Variants in WDR25 observed in about 807,000 individuals in gnomAD.
WDR25 encodes the protein WD repeat-containing protein 25.
In WDR25, 35 loss-of-function variants were observed where a neutral mutation model predicts 47.7. The observed-to-expected ratio is 0.73, with a 90% CI of 0.56 to 0.97. The LOEUF is 0.97. Among genes scored for constraint, WDR25 ranks in the 50% least tolerant of loss-of-function variants. The pLI, the probability that WDR25 is intolerant of heterozygous loss-of-function variation, is 0.00. For missense variants in WDR25, 634 were observed against 704.7 expected, an observed-to-expected ratio of 0.90 and a Z score of 1.14; for synonymous variants, 248 against 278.9, an observed-to-expected ratio of 0.89 and a Z score of 1.10.
intron 2 of WDR25, among the ~76,000 whole-genome samples, chr14:100,390,611 A>C (rs1897122862): frequency 6.6e-6 from 1 of 152,210 alleles, no homozygotes; most frequent in African/African-American, 2.4e-5. Context: ...GCCTGCTGCC[A>C]GCCTTCCGGC....
chr14:100,451,752 C>A (rs191077727), intron 2 of WDR25, among the ~76,000 whole-genome samples: 1 of 152,316 alleles, frequency 6.6e-6, no homozygotes, highest in East Asian at 1.9e-4. Context: ...AGAGGTCATA[C>A]AGTCCAACTG....
chr14:100,454,378 G>A, intron 2 of WDR25: 1 of 1,287,146 alleles, frequency 7.8e-7, no homozygotes. Flanking sequence ...TGAGGGTGGA[G>A]GTGAGGAGGT....
intron 3 of WDR25, among the ~76,000 whole-genome samples, chr14:100,470,902 C>G (rs1406118387): frequency 6.6e-6 from 1 of 152,216 alleles, no homozygotes; most frequent in Non-Finnish European, 1.5e-5. Context: ...CTTCTTCACT[C>G]CATCCCTCTG....
At chr14:100,471,516 G>A (rs932411312) in intron 3 of WDR25, among the ~76,000 whole-genome samples, 4 of 152,124 alleles carry the variant, frequency 2.6e-5, no homozygotes, top group African/African-American at 9.7e-5. Context: ...CTTTCTCTTC[G>A]CTGAGTCTGA....
In WDR25 at chr14:100,498,495, A is replaced by G. The variant is rs905050053; in HGVS notation, c.1101+14371A>G. 6.6e-6 allele frequency among the ~76,000 whole-genome samples: 1 copy of G among 151,952 alleles called. No homozygotes were observed. Among genetic ancestry groups the G allele is most frequent in the Non-Finnish European group, 1.5e-5 (1 of 67,980 alleles). ...TCTGGCTCACCTCACTCATTTGCTC[A>G]TTGAACACTGCGGAGCACCTGCTGT... On this transcript the variant is annotated intron_variant, in intron 4 of 6. Coordinates refer to ENST00000402312, the MANE Select transcript of WDR25 (RefSeq NM_001161476.3). This position sits in a 1 kb window ranked among gnomAD's most constrained non-coding sequence, Gnocchi z 4.2.
At chr14:100,462,721 G>A (rs1899456447) in intron 2 of WDR25, among the ~76,000 whole-genome samples, 1 of 152,166 alleles carries the variant, frequency 6.6e-6, no homozygotes. Context: ...ACTTCATAGA[G>A]TTCAAGTTTT....
At chr14:100,411,495 A>G (rs1162635850) in intron 2 of WDR25, among the ~76,000 whole-genome samples, 5 of 151,224 alleles carry the variant, frequency 3.3e-5, no homozygotes, top group Non-Finnish European at 7.4e-5. Context: ...GGATGCTGCC[A>G]CCCTCATGGT....
chr14:100,447,975 C>G (rs964370255), intron 2 of WDR25, among the ~76,000 whole-genome samples: 1 of 152,176 alleles, frequency 6.6e-6, no homozygotes. Flanking sequence ...GGGTGAATCA[C>G]CTGAGGTCGG....
intron 2 of WDR25, among the ~76,000 whole-genome samples, chr14:100,459,937 T>TATATATATACAC (rs1899343217): frequency 1.0e-5 from 1 of 97,712 alleles, no homozygotes; most frequent in Non-Finnish European, 2.0e-5. Context: ...TATATATATA[T>TATATATATACAC]ATACACATAC....
intron 4 of WDR25, among the ~76,000 whole-genome samples, chr14:100,512,001 A>C (rs1479374750): frequency 2.6e-5 from 4 of 152,214 alleles, no homozygotes; most frequent in African/African-American, 9.6e-5. Context: ...GAATTATATC[A>C]GCTAAAGTTG....
At chr14:100,522,956 G>A (rs926964160) in intron 4 of WDR25, among the ~76,000 whole-genome samples, 3 of 152,160 alleles carry the variant, frequency 2.0e-5, no homozygotes, top group African/African-American at 7.2e-5. Flanking sequence ...TTGTCTCCAC[G>A]TCTGAGGCAC....
intron 4 of WDR25, chr14:100,503,654 C>G (rs1901015862): frequency 6.6e-6 from 1 of 152,204 alleles, no homozygotes; most frequent in Non-Finnish European, 1.5e-5. Flanking sequence ...GCCGGGCTCC[C>G]CGGCTTCACT....
At chr14:100,463,409 C>T (rs1899495629) in intron 2 of WDR25, among the ~76,000 whole-genome samples, 1 of 152,172 alleles carries the variant, frequency 6.6e-6, no homozygotes, top group African/African-American at 2.4e-5. Context: ...CTTCTCTACG[C>T]TTCCAGGACT....
intron 4 of WDR25, among the ~76,000 whole-genome samples, chr14:100,517,050 C>T (rs1471275523): frequency 5.5e-5 from 8 of 144,906 alleles, no homozygotes; most frequent in African/African-American, 1.8e-4. Flanking sequence ...CCCACTTCAG[C>T]TTCCCAAGTA....
At chr14:100,514,143 A>C (rs1901411365) in intron 4 of WDR25, among the ~76,000 whole-genome samples, 1 of 150,658 alleles carries the variant, frequency 6.6e-6, no homozygotes, top group African/African-American at 2.4e-5. Flanking sequence ...TCACCGTGTT[A>C]GCCAGGATGG....
At chr14:100,442,214 T>C (rs1335708268) in intron 2 of WDR25, among the ~76,000 whole-genome samples, 1 of 152,188 alleles carries the variant, frequency 6.6e-6, no homozygotes, top group Non-Finnish European at 1.5e-5. Context: ...GAACACTTCC[T>C]GAGCACCTGT....
At chr14:100,496,838 T>TTA (rs2140340698) in intron 4 of WDR25, among the ~76,000 whole-genome samples, 1 of 133,734 alleles carries the variant, frequency 7.5e-6, no homozygotes, top group African/African-American at 2.8e-5. Context: ...CTTTTTTTTT[T>TTA]TTTTTTTTTT....
intron 2 of WDR25, among the ~76,000 whole-genome samples, chr14:100,390,837 C>T (rs745489413): frequency 5.9e-5 from 9 of 152,202 alleles, no homozygotes; most frequent in African/African-American, 1.4e-4. Context: ...CCCTCCACAG[C>T]GGCAGAATTA....
At chr14:100,509,112 T>C (rs1375088829) in intron 4 of WDR25, among the ~76,000 whole-genome samples, 4 of 152,222 alleles carry the variant, frequency 2.6e-5, no homozygotes, top group Admixed American at 2.0e-4. Flanking sequence ...AGAAATGTTC[T>C]CTACTTATGT....
Sources: allele counts gnomAD v4.1 joint callset (sites outside exome capture counted in the v4.1 genomes callset), GRCh38; gene constraint gnomAD v4.1.1; non-coding constraint Gnocchi (gnomAD v3.1); transcripts MANE v1.5; gene names NCBI Gene and HGNC (gene_info 2026-07-23, HGNC 2026-07-21).